Variants in CHSY3 observed in about 807,000 individuals in gnomAD.
CHSY3 encodes the protein N-acetylgalactosaminyl-proteoglycan 3-beta-glucuronosyltransferase 3.
A neutral mutation model predicts 67.2 loss-of-function variants in CHSY3; 35 were observed. The observed-to-expected ratio is 0.52, with a 90% CI of 0.40 to 0.69. CHSY3 has a LOEUF of 0.69. CHSY3 is among the 30% of genes least tolerant of loss of function. The pLI is 0.00. For synonymous variants in CHSY3, 474 were observed against 434.7 expected, an observed-to-expected ratio of 1.09 and a Z score of -1.12; for missense variants, 1,069 against 1,138.5, an observed-to-expected ratio of 0.94 and a Z score of 0.88.
At chr5:130,169,743 A>G (rs1206716157) in intron 2 of CHSY3, among the ~76,000 whole-genome samples, 1 of 151,848 alleles carries the variant, frequency 6.6e-6, no homozygotes, top group Non-Finnish European at 1.5e-5. Context: ...TTGCTTTAGC[A>G]CATTAGTTAA....
intron 2 of CHSY3, among the ~76,000 whole-genome samples, chr5:130,097,929 G>A (rs1320850113): frequency 6.6e-6 from 1 of 152,058 alleles, no homozygotes. Context: ...TGGTGAACCC[G>A]GGAGGCAGAG....
intron 2 of CHSY3, among the ~76,000 whole-genome samples, chr5:130,120,149 T>C (rs757173039): frequency 7.2e-5 from 11 of 152,122 alleles, no homozygotes; most frequent in African/African-American, 9.7e-5. Context: ...AACTTTCACT[T>C]CTCCTCTTCT....
intron 2 of CHSY3, among the ~76,000 whole-genome samples, chr5:130,112,272 G>A (rs1247964425): frequency 6.6e-6 from 1 of 152,094 alleles, no homozygotes; most frequent in Non-Finnish European, 1.5e-5. Flanking sequence ...CCCGGAATTT[G>A]TCTAAAATAA....
chr5:130,069,911 C>A (rs1421246684), intron 2 of CHSY3, among the ~76,000 whole-genome samples: 1 of 152,014 alleles, frequency 6.6e-6, no homozygotes, highest in Non-Finnish European at 1.5e-5. Flanking sequence ...ATTTTCATAT[C>A]TCACTAGGAG....
chr5:130,019,173 T>C (rs1764295844), intron 2 of CHSY3, among the ~76,000 whole-genome samples: 1 of 152,124 alleles, frequency 6.6e-6, no homozygotes, highest in South Asian at 2.1e-4. Flanking sequence ...ATGCATTGTA[T>C]TCTCACTTAA....
At chr5:130,064,641 A>G (rs1765824462) in intron 2 of CHSY3, among the ~76,000 whole-genome samples, 1 of 152,190 alleles carries the variant, frequency 6.6e-6, no homozygotes, top group Non-Finnish European at 1.5e-5. Flanking sequence ...TGAGTATACC[A>G]TGTTTAAATC....
intron 2 of CHSY3, among the ~76,000 whole-genome samples, chr5:129,990,388 G>GTT (rs1209549198): frequency 6.6e-6 from 1 of 151,266 alleles, no homozygotes; most frequent in Non-Finnish European, 1.5e-5. Flanking sequence ...GTGTGTGTGT[G>GTT]TGTGTGTGTG....
At chr5:129,975,745 G>C (rs1762786750) in intron 2 of CHSY3, among the ~76,000 whole-genome samples, 1 of 152,102 alleles carries the variant, frequency 6.6e-6, no homozygotes. Flanking sequence ...CTTTACCATG[G>C]AATTTCTGTT....
intron 2 of CHSY3, among the ~76,000 whole-genome samples, chr5:129,983,093 CTTAG>C (rs1763067930): frequency 6.6e-6 from 1 of 152,012 alleles, no homozygotes; most frequent in South Asian, 2.1e-4. Flanking sequence ...AATTGAGTTT[CTTAG>C]TTATACTTTG....
intron 2 of CHSY3, among the ~76,000 whole-genome samples, chr5:130,092,449 A>AAATAGCTAAATAAATAGCTCTAAT (rs1264784762): frequency 2.0e-4 from 31 of 152,180 alleles, no homozygotes; most frequent in Admixed American, 3.3e-4. Flanking sequence ...ACCTCTTTAT[A>AAATAGCTAAATAAATAGCTCTAAT]AAATACTTAG....
At chr5:129,960,199 T>C (rs561624465) in intron 2 of CHSY3, among the ~76,000 whole-genome samples, 2 of 152,194 alleles carry the variant, frequency 1.3e-5, no homozygotes, top group South Asian at 4.1e-4. Context: ...CTGTTTGACG[T>C]TGTCCACAGA....
intron 2 of CHSY3, among the ~76,000 whole-genome samples, chr5:129,961,087 A>T (rs1334676811): frequency 6.6e-6 from 1 of 152,056 alleles, no homozygotes; most frequent in East Asian, 1.9e-4. Flanking sequence ...TGGTACAGAC[A>T]TGAGTTTTCA....
Position 129,973,185 on chromosome 5 carries a change from C to A in CHSY3, c.1086+64825C>A, listed in dbSNP as rs139320225. On this transcript the variant is annotated intron_variant, in intron 2 of 2. Transcript: ENST00000305031. ...GATAATGTGTTATCAGGAATGTAGTCCTATCAGCCATGATTGTTGATTCAC... is the reference window on the plus strand; with the variant it reads ...GATAATGTGTTATCAGGAATGTAGTACTATCAGCCATGATTGTTGATTCAC... Among the ~76,000 whole-genome samples, 721 of 152,174 alleles carry A rather than the reference C, an allele frequency of 4.7e-3. 2 individuals are homozygous for A. The highest frequency in any genetic ancestry group is 0.016 in the African/African-American group (649 of 41,534).
At chr5:130,114,541 A>G (rs1260206043) in intron 2 of CHSY3, 1 of 152,164 alleles carries the variant, frequency 6.6e-6, no homozygotes, top group African/African-American at 2.4e-5. Context: ...GAGTAATAGT[A>G]GTATACACCT....
chr5:129,907,103 AC>A (rs1205190732), intron 1 of CHSY3, among the ~76,000 whole-genome samples: 2 of 152,246 alleles, frequency 1.3e-5, no homozygotes. Context: ...TCTCAAAATT[AC>A]AAAGGTTTCC....
rs1770140223 is a variant in CHSY3, at chr5:130,178,321, T to A, written c.1087-5908T>A. Reference sequence around the variant, plus strand: ...CCCAGGCTGGAGTGCAGTGGCAGGATCTCAGCTCACTGCAAGCTCCGCCTC... The same window carrying A: ...CCCAGGCTGGAGTGCAGTGGCAGGAACTCAGCTCACTGCAAGCTCCGCCTC... On this transcript the variant is annotated intron_variant, in intron 2 of 2. Transcript: ENST00000305031. 4.2e-5 allele frequency among the ~76,000 whole-genome samples: 6 copies of A among 143,404 alleles called. No homozygotes were observed. In the South Asian group the frequency reaches 1.4e-3, roughly 33 times the overall value. 94.1% of individuals were successfully genotyped at this position (143,404 alleles called of 152,430 possible).
intron 2 of CHSY3, among the ~76,000 whole-genome samples, chr5:130,154,070 C>G (rs748147035): frequency 6.6e-6 from 1 of 152,128 alleles, no homozygotes; most frequent in Non-Finnish European, 1.5e-5. Flanking sequence ...GTGCACGCCA[C>G]CACACCCAGC....
intron 2 of CHSY3, among the ~76,000 whole-genome samples, chr5:130,028,036 G>A (rs1205539428): frequency 1.3e-5 from 2 of 152,114 alleles, no homozygotes; most frequent in Non-Finnish European, 2.9e-5. Flanking sequence ...AGATCCTTGA[G>A]GAATCACCAC....
intron 2 of CHSY3, among the ~76,000 whole-genome samples, chr5:130,028,454 A>T (rs1283647044): frequency 1.3e-5 from 2 of 152,198 alleles, no homozygotes; most frequent in African/African-American, 4.8e-5. Context: ...CTGGCTAGCC[A>T]TATATAGAAA....
Sources: allele counts gnomAD v4.1 joint callset (sites outside exome capture counted in the v4.1 genomes callset), GRCh38; gene constraint gnomAD v4.1.1; transcripts MANE v1.5; gene names NCBI Gene and HGNC (gene_info 2026-07-23, HGNC 2026-07-21).